Variants in KIRREL3 observed in about 807,000 individuals in gnomAD.
KIRREL3 encodes kirre like nephrin family adhesion molecule 3.
Under a neutral mutation model 89.7 loss-of-function variants are expected in KIRREL3, and 36 were observed. The ratio of observed to expected loss-of-function variants is 0.40; its 90% CI spans 0.31 to 0.53. The LOEUF is 0.53. Among genes scored for constraint, KIRREL3 ranks in the 20% least tolerant of loss-of-function variants. The pLI is 0.49. For missense variants in KIRREL3, 864 were observed against 1,056.6 expected, an observed-to-expected ratio of 0.82 and a Z score of 2.53; for synonymous variants, 445 against 441.4, an observed-to-expected ratio of 1.01 and a Z score of -0.10.
In KIRREL3 at chr11:126,639,615, C is replaced by T. The variant is rs1365917976; in HGVS notation, c.56-76703G>A. Among the ~76,000 whole-genome samples, 2 of 152,220 alleles carry T rather than the reference C, an allele frequency of 1.3e-5. No individual in the cohort carries two copies. The highest frequency in any genetic ancestry group is 2.9e-5 in the Non-Finnish European group (2 of 68,044). ...AAGCTGGAGATGAGATCGGCTAATC[C>T]TGACTCTATTCTTTCGTCTGCTCTG... On this transcript the variant is annotated intron_variant, in intron 1 of 16. Coordinates refer to ENST00000525144, the MANE Select transcript of KIRREL3 (RefSeq NM_032531.4). This position sits in a 1 kb window ranked among gnomAD's most constrained non-coding sequence, Gnocchi z 4.3.
In KIRREL3 at chr11:126,471,243, G is replaced by T. The variant is rs556332635; in HGVS notation, c.591+2066C>A. ...AAATTAGCTGGGCATGATGGCACAC[G>T]CCTGCAATCCCAGCTATTCTGGAGG... On this transcript the variant is annotated intron_variant, in intron 5 of 16. Transcript: ENST00000525144. This position sits in a 1 kb window ranked among gnomAD's most constrained non-coding sequence, Gnocchi z 5.4. Among the ~76,000 whole-genome samples the T allele has an allele frequency of 6.6e-6, 1 of 152,024 alleles. No individual in the cohort carries two copies. The highest frequency in any genetic ancestry group is 2.4e-5 in the African/African-American group (1 of 41,396).
chr11:126,590,994 G>T (rs1238947408), intron 1 of KIRREL3, among the ~76,000 whole-genome samples: 2 of 152,246 alleles, frequency 1.3e-5, no homozygotes, highest in Non-Finnish European at 2.9e-5. Flanking sequence ...AGGCCGCTGA[G>T]GCGGGCAGAT....
rs912053221 is a variant in KIRREL3, at chr11:126,768,228, A to C, written c.56-205316T>G. 7.2e-6 allele frequency among the ~76,000 whole-genome samples: 1 copy of C among 139,326 alleles called. No individual in the cohort carries two copies. The highest frequency in any genetic ancestry group is 2.8e-5 in the African/African-American group (1 of 36,318). The allele number at this position is 139,326 out of a possible 152,430, so 91.4% of individuals were successfully genotyped here. The stretch of plus-strand genomic sequence containing the variant: ...ATCCATCCATCCATCCATCCATTCA[A>C]TCTGTCCATCTGTCCATCCATACAT... On this transcript the variant is annotated intron_variant, in intron 1 of 16. Transcript: ENST00000525144. This position sits in a 1 kb window ranked among gnomAD's most constrained non-coding sequence, Gnocchi z 4.5.
At chr11:126,439,888 G>A (rs193138651) in intron 11 of KIRREL3, among the ~76,000 whole-genome samples, 1 of 152,010 alleles carries the variant, frequency 6.6e-6, no homozygotes, top group African/African-American at 2.4e-5. Flanking sequence ...GCTGGTAGGA[G>A]GCGCTGAGGG....
chr11:126,465,665 G>T (rs2048371057), intron 5 of KIRREL3, among the ~76,000 whole-genome samples: 1 of 152,192 alleles, frequency 6.6e-6, no homozygotes, highest in African/African-American at 2.4e-5. Context: ...GCAGCTGCAG[G>T]CCTGGGACTC....
intron 1 of KIRREL3, among the ~76,000 whole-genome samples, chr11:126,941,417 A>G (rs1361105103): frequency 6.6e-6 from 1 of 152,204 alleles, no homozygotes; most frequent in Non-Finnish European, 1.5e-5. Context: ...TTAGAAGTAT[A>G]CAGAGATGAG....
rs1029994617 is a variant in KIRREL3, at chr11:126,991,471, T to A, written c.55+8984A>T. On this transcript the variant is annotated intron_variant, in intron 1 of 16. Transcript: ENST00000525144. This position sits in a 1 kb window ranked among gnomAD's most constrained non-coding sequence, Gnocchi z 5.8. ...AGTCCCTGCCTTTGCTTCCTTCCTT[T>A]TTATTATTATTATTATTATTATTTG... Among the ~76,000 whole-genome samples the A allele has an allele frequency of 3.3e-5, 5 of 151,364 alleles. No individual in the cohort carries two copies. Among genetic ancestry groups the A allele is most frequent in the South Asian group, 2.1e-4 (1 of 4,796 alleles).
In KIRREL3 at chr11:126,812,578, C is replaced by T. The variant is rs1285972366; in HGVS notation, c.55+187877G>A. Among the ~76,000 whole-genome samples the T allele has an allele frequency of 6.6e-6, 1 of 152,198 alleles. No homozygotes were observed. The highest frequency in any genetic ancestry group is 1.9e-4 in the East Asian group (1 of 5,196). ...GTAGGCACTTCACAAATGCTAACAA[C>T]AATTTGACAACTAGATTGCAAGCTG... On this transcript the variant is annotated intron_variant, in intron 1 of 16. Coordinates refer to ENST00000525144, the MANE Select transcript of KIRREL3 (RefSeq NM_032531.4). This position sits in a 1 kb window ranked among gnomAD's most constrained non-coding sequence, Gnocchi z 5.2.
intron 1 of KIRREL3, among the ~76,000 whole-genome samples, chr11:126,826,760 A>G (rs1345438961): frequency 6.6e-6 from 1 of 152,152 alleles, no homozygotes; most frequent in African/African-American, 2.4e-5. Flanking sequence ...CACCTCTAAG[A>G]ATGTAGCTGT....
At chr11:126,839,497 C>T (rs1046900243) in intron 1 of KIRREL3, among the ~76,000 whole-genome samples, 1 of 152,162 alleles carries the variant, frequency 6.6e-6, no homozygotes, top group East Asian at 1.9e-4. Flanking sequence ...TGTATCAATG[C>T]AGGAAATGAC....
intron 1 of KIRREL3, among the ~76,000 whole-genome samples, chr11:126,816,662 T>C (rs1270519981): frequency 6.6e-6 from 1 of 152,228 alleles, no homozygotes; most frequent in Non-Finnish European, 1.5e-5. Flanking sequence ...AAGGATACTA[T>C]TTAATCTCCT....
Position 126,561,209 on chromosome 11 carries a change from C to T in KIRREL3, c.133+1626G>A, listed in dbSNP as rs887055018. On this transcript the variant is annotated intron_variant, in intron 2 of 16. Coordinates refer to ENST00000525144, the MANE Select transcript of KIRREL3 (RefSeq NM_032531.4). This position sits in a 1 kb window ranked among gnomAD's most constrained non-coding sequence, Gnocchi z 4.5. ...CCAGCTCTCCAGAGCCAAAGCTGACCCACCTGTGTCTCTCCTCTGCCCCAC... is the reference window on the plus strand; with the variant it reads ...CCAGCTCTCCAGAGCCAAAGCTGACTCACCTGTGTCTCTCCTCTGCCCCAC... 6.6e-6 allele frequency among the ~76,000 whole-genome samples: 1 copy of T among 152,186 alleles called. No homozygotes were observed. Among genetic ancestry groups the T allele is most frequent in the East Asian group, 1.9e-4 (1 of 5,198 alleles).
chr11:126,751,179 T>A (rs552823244), intron 1 of KIRREL3, among the ~76,000 whole-genome samples: 5 of 152,194 alleles, frequency 3.3e-5, no homozygotes, highest in Non-Finnish European at 7.3e-5. Flanking sequence ...CTGGATGAAC[T>A]TCCCCCTCAG....
chr11:126,740,111 A>G lies in KIRREL3; in HGVS notation c.56-177199T>C, dbSNP rs1359002649. 6.6e-6 allele frequency among the ~76,000 whole-genome samples: 1 copy of G among 152,148 alleles called. No individual in the cohort carries two copies. The highest frequency in any genetic ancestry group is 1.9e-4 in the East Asian group (1 of 5,194). On this transcript the variant is annotated intron_variant, in intron 1 of 16. Transcript: ENST00000525144. This position sits in a 1 kb window ranked among gnomAD's most constrained non-coding sequence, Gnocchi z 6.0. Reference sequence around the variant, plus strand: ...GAGGTAATTTGGCCCATTAGTTCAAATTGTGTTTTTTTCTTCCCTCCTTCT... The same window carrying G: ...GAGGTAATTTGGCCCATTAGTTCAAGTTGTGTTTTTTTCTTCCCTCCTTCT...
chr11:126,442,346 ACACACAC>A (rs747459856), intron 10 of KIRREL3, among the ~76,000 whole-genome samples: 322 of 143,262 alleles, frequency 2.2e-3, no homozygotes, highest in African/African-American at 8.1e-3. Flanking sequence ...ACACACACAC[ACACACAC>A]AAAACCTTTT....
chr11:126,710,967 C>A lies in KIRREL3; in HGVS notation c.56-148055G>T, dbSNP rs115964084. ...GTGATGAGGATGGTGGCTGCTGGGACGGCCAAGGGCAGCTAGGTTTCAGGT... is the reference window on the plus strand; with the variant it reads ...GTGATGAGGATGGTGGCTGCTGGGAAGGCCAAGGGCAGCTAGGTTTCAGGT... On this transcript the variant is annotated intron_variant, in intron 1 of 16. Transcript: ENST00000525144. The surrounding 1 kb of genome is among the most constrained non-coding windows in gnomAD (Gnocchi z 4.2). Among the ~76,000 whole-genome samples the A allele has an allele frequency of 9.2e-5, 14 of 152,286 alleles. No homozygotes were observed. The highest frequency in any genetic ancestry group is 3.9e-4 in the East Asian group (2 of 5,186).
intron 2 of KIRREL3, among the ~76,000 whole-genome samples, chr11:126,540,371 A>G (rs1034032218): frequency 3.3e-5 from 5 of 152,280 alleles, no homozygotes; most frequent in Admixed American, 1.3e-4. Context: ...ACATTCCCCT[A>G]TGCTTGTTCC....
chr11:126,790,418 C>T lies in KIRREL3; in HGVS notation c.55+210037G>A, dbSNP rs1241702841. On this transcript the variant is annotated intron_variant, in intron 1 of 16. Transcript: ENST00000525144. ...TGGTTAGCTTGATGACATTGGTCATCGAAGTTAACCTTCCTAACACTCAGT... is the reference window on the plus strand; with the variant it reads ...TGGTTAGCTTGATGACATTGGTCATTGAAGTTAACCTTCCTAACACTCAGT... 2.0e-5 allele frequency among the ~76,000 whole-genome samples: 3 copies of T among 152,248 alleles called. 1 individual carries two copies. The highest frequency in any genetic ancestry group is 1.5e-5 in the Non-Finnish European group (1 of 68,022).
intron 4 of KIRREL3, among the ~76,000 whole-genome samples, chr11:126,493,885 C>T (rs1957592146): frequency 6.6e-6 from 1 of 152,134 alleles, no homozygotes; most frequent in Admixed American, 6.6e-5. Context: ...CCATCCTTTC[C>T]TGGTTCAGGC....
Sources: allele counts gnomAD v4.1 joint callset (sites outside exome capture counted in the v4.1 genomes callset), GRCh38; gene constraint gnomAD v4.1.1; non-coding constraint Gnocchi (gnomAD v3.1); transcripts MANE v1.5; gene names NCBI Gene and HGNC (gene_info 2026-07-23, HGNC 2026-07-21).